SYMPK: variants seen among roughly 807,000 people sequenced by gnomAD.
SYMPK encodes the protein symplekin scaffold protein, also known as symplekin.
SYMPK carries 49 observed loss-of-function variants against 136.4 expected under a neutral mutation model. The observed-to-expected ratio is 0.36, with a 90% CI of 0.29 to 0.46. The LOEUF (loss-of-function observed/expected upper bound fraction) is 0.46. SYMPK is among the 20% of genes least tolerant of loss of function. The probability of loss-of-function intolerance (pLI) is 1.00; values close to 1 mark genes in which losing one functional copy is unlikely to be tolerated. For missense variants in SYMPK, 1,365 were observed against 1,690.0 expected (o/e 0.81, Z 3.37); for synonymous variants, 766 against 713.0 (o/e 1.07, Z -1.19).
At chr19:45,838,414 A>C (rs1971357593) in intron 10 of SYMPK, 47 bp downstream of exon 10, 1 of 1,581,572 alleles carries the variant, frequency 6.3e-7, no homozygotes, top group East Asian at 2.3e-5. Context: ...GACCGAGGAG[A>C]TCCTTCCTTC....
rs909484848 is a variant in SYMPK, at chr19:45,817,289, G to A, written c.3082-315C>T. 3.3e-5 allele frequency among the ~76,000 whole-genome samples: 5 copies of A among 152,100 alleles called. No homozygotes were observed. In the East Asian group the frequency reaches 5.8e-4, roughly 18 times the overall value. On this transcript the variant is annotated intron_variant, in intron 23 of 26. Coordinates refer to ENST00000245934, the MANE Select transcript of SYMPK (RefSeq NM_004819.3). ...ACATTCTCACGGCAGCCTCCAGGGGGCGAAATTACCCCTGCTAAACAGCGG... is the reference window on the plus strand; with the variant it reads ...ACATTCTCACGGCAGCCTCCAGGGGACGAAATTACCCCTGCTAAACAGCGG...
intron 19 of SYMPK, 58 bp downstream of exon 19, chr19:45,823,709 C>T: frequency 2.0e-6 from 3 of 1,494,944 alleles, no homozygotes; most frequent in Non-Finnish European, 1.9e-6. Context: ...TCCCCAGGGC[C>T]CGGGGAAGGC....
Position 45,844,066 on chromosome 19 carries a change from T to C in SYMPK, c.811A>G (p.Met271Val). The change falls in exon 8 of 27, where the codon ATG (methionine) becomes GTG (valine). Residue 271 changes from methionine (M) to valine (V), a missense_variant. By Grantham distance (21) the Met-to-Val change is conservative. This residue lies in a region of SYMPK where 237 missense variants were observed against 292.9 expected (regional missense o/e 0.81). Transcript: ENST00000245934. ...TCATAGGCCTGGATCACCTCAGACA[T>C]GAACATGGGTCTCTGGCGGGCGATA... ...ANIARQRPMFMSEVIQAYETL... is the reference protein window; with the variant it reads ...ANIARQRPMFVSEVIQAYETL... 5.0e-6 allele frequency: 8 copies of C among 1,601,952 alleles called. No homozygotes were observed. Among genetic ancestry groups the C allele is most frequent in the Non-Finnish European group, 6.8e-6 (8 of 1,174,560 alleles).
chr19:45,816,235 C>A (rs1600485811), intron 25 of SYMPK, 52 bp from the exon 26 acceptor site: 3 of 1,336,104 alleles, frequency 2.2e-6, no homozygotes, highest in Non-Finnish European at 3.0e-6. Context: ...GCTCAGAGGA[C>A]GGCCGGAAAG....
At chr19:45,828,464 CTG>C (rs1381611686) in intron 14 of SYMPK, 1 of 176,212 alleles carries the variant, frequency 5.7e-6, no homozygotes, top group African/African-American at 2.4e-5. Context: ...AGTAAGGAGG[CTG>C]TGTTTTATCC....
At chr19:45,851,916 A>G (rs193234676) in intron 5 of SYMPK, among the ~76,000 whole-genome samples, 87 of 152,328 alleles carry the variant, frequency 5.7e-4, no homozygotes, top group Middle Eastern at 6.8e-3. Flanking sequence ...AAAAAAGCTA[A>G]TTTTGTTATA....
intron 19 of SYMPK, 48 bp from the exon 20 acceptor site, chr19:45,823,520 T>G (rs1970959897): frequency 1.3e-6 from 2 of 1,547,132 alleles, no homozygotes; most frequent in Non-Finnish European, 1.8e-6. Flanking sequence ...GAGGGGAGCG[T>G]GGGAAAGGGT....
chr19:45,835,456 G>A (rs1391391594), intron 10 of SYMPK, among the ~76,000 whole-genome samples: 1 of 152,208 alleles, frequency 6.6e-6, no homozygotes, highest in Non-Finnish European at 1.5e-5. Context: ...AGCCAGGCAA[G>A]GCAAGGGCTC....
chr19:45,829,390 T>C (rs1171725878), intron 13 of SYMPK, among the ~76,000 whole-genome samples, 185 bp from the exon 14 acceptor site: 1 of 150,230 alleles, frequency 6.7e-6, no homozygotes, highest in Non-Finnish European at 1.5e-5. Context: ...GGGGTGGGGG[T>C]ACCAGGGTGG....
At chr19:45,845,911 T>C (rs562691299) in intron 7 of SYMPK, among the ~76,000 whole-genome samples, 1 of 152,302 alleles carries the variant, frequency 6.6e-6, no homozygotes, top group South Asian at 2.1e-4. Context: ...GACATTTCAT[T>C]GTAGTTTTGA....
At chr19:45,823,108 G>C (rs1220765732) in intron 20 of SYMPK, among the ~76,000 whole-genome samples, 1 of 152,218 alleles carries the variant, frequency 6.6e-6, no homozygotes. Flanking sequence ...GTCTCAAAGA[G>C]GGGAAGGGAC....
rs111882577 is a variant in SYMPK at position 45,844,011 on chromosome 19, G to C, written c.847+19C>G. On this transcript the variant is annotated intron_variant, in intron 8 of 26. Transcript: ENST00000245934. ...CCAGTGAAGAGAAGGCAGGGGGAGG[G>C]GGGAGGACAATGACCTACCATGCAG... 4.7e-6 allele frequency: 7 copies of C among 1,476,956 alleles called. No individual in the cohort carries two copies. In the African/African-American group the frequency reaches 7.1e-5, roughly 15 times the overall value. 91.5% of individuals were successfully genotyped at this position (1,476,956 alleles called of 1,614,324 possible). A position where few individuals can be genotyped will look rare whatever the true frequency, so the allele number is the denominator to read the frequency against.
intron 11 of SYMPK, among the ~76,000 whole-genome samples, chr19:45,832,328 G>T (rs1971200997): frequency 6.6e-6 from 1 of 151,968 alleles, no homozygotes; most frequent in Non-Finnish European, 1.5e-5. Flanking sequence ...TTTCAGTAGA[G>T]ACGGGGTTTC....
Position 45,821,460 on chromosome 19 carries a change from C to A in SYMPK, c.2817G>T (p.Pro939=). 1 of 1,613,806 alleles carries A rather than the reference C, an allele frequency of 6.2e-7. No individual in the cohort carries two copies. The highest frequency in any genetic ancestry group is 8.5e-7 in the Non-Finnish European group (1 of 1,179,908). Residue 939 remains proline, a synonymous_variant, in exon 22 of 27, where the codon CCG becomes CCT. Transcript: ENST00000245934. This position sits in a 1 kb window ranked among gnomAD's most constrained non-coding sequence, Gnocchi z 4.4. ...QHGEGNSALS[P]LNPGELLIAL... ...CGATCAGGAGCTCTCCAGGGTTCAG[C>A]GGGGACAAGGCTGAGTTTCCCTCAC...
rs200895369 is a variant in SYMPK, at chr19:45,844,046, G to A, written c.831C>T (p.Ala277=). 1 of 1,587,410 alleles carries A rather than the reference G, an allele frequency of 6.3e-7. No homozygotes were observed. Among genetic ancestry groups the A allele is most frequent in the South Asian group, 1.2e-5 (1 of 86,866 alleles). Reference sequence around the variant, plus strand: ...ATGACCTACCATGCAGAGTTTCATAGGCCTGGATCACCTCAGACATGAACA... The same window carrying A: ...ATGACCTACCATGCAGAGTTTCATAAGCCTGGATCACCTCAGACATGAACA... ...RPMFMSEVIQ[A]YETLHANLPP... is the part of the protein sequence containing the mutation. The change falls in exon 8 of 27, where the codon GCC becomes GCT. Residue 277 remains alanine, a synonymous_variant. Coordinates refer to ENST00000245934, the MANE Select transcript of SYMPK (RefSeq NM_004819.3).
rs1010212291 is a variant in SYMPK, at chr19:45,829,157, G to A, written c.1798C>T (p.Leu600=). The change falls in exon 14 of 27, where the codon CTG becomes TTG. Residue 600 remains leucine, a synonymous_variant. Coordinates refer to ENST00000245934, the MANE Select transcript of SYMPK (RefSeq NM_004819.3). ...ATGAAGGACAGGACCTCCGCCTTCAGGCCCGAGTTGAACTGTGTCACCAGG... is the reference window on the plus strand; with the variant it reads ...ATGAAGGACAGGACCTCCGCCTTCAAGCCCGAGTTGAACTGTGTCACCAGG... ...ASLVTQFNSG[L]KAEVLSFILE... 7.4e-6 allele frequency: 12 copies of A among 1,614,092 alleles called. No individual in the cohort carries two copies. The African/African-American group carries it at 1.2e-4, about 16-fold the overall frequency.
chr19:45,822,252 G>A (rs1400139659), intron 21 of SYMPK, among the ~76,000 whole-genome samples: 1 of 151,732 alleles, frequency 6.6e-6, no homozygotes, highest in Non-Finnish European at 1.5e-5. Context: ...CCGAGTAGCT[G>A]GGACTACAGG....
intron 10 of SYMPK, among the ~76,000 whole-genome samples, chr19:45,836,552 A>C (rs1600511700): frequency 6.6e-6 from 1 of 151,388 alleles, no homozygotes; most frequent in Non-Finnish European, 1.5e-5. Flanking sequence ...AATGGCGTGA[A>C]CCCGGGAGGC....
At position 45,816,556 on chromosome 19, in the gene SYMPK, T is replaced by C. The variant is rs1970744559; in HGVS notation, c.3280A>G (p.Ile1094Val). The C allele has an allele frequency of 6.2e-7, 1 of 1,613,484 alleles. No individual in the cohort carries two copies. Among genetic ancestry groups the C allele is most frequent in the Non-Finnish European group, 8.5e-7 (1 of 1,179,942 alleles). The change falls in exon 25 of 27, where the codon ATC becomes GTC. Residue 1094 changes from isoleucine to valine, a missense_variant. Transcript: ENST00000245934. ...PHQQAHIPNS[I>V]MTILEASGKQ... is the part of the protein sequence containing the mutation. ...CCGCTGGCCTCCAAGATGGTCATGA[T>C]GGAGTTAGGGATGTGAGCTTGCTGG...
Sources: gnomAD v4.1 joint callset for allele counts (sites outside exome capture counted in the v4.1 genomes callset) on GRCh38, gnomAD v4.1.1 for gene constraint, gnomAD v4.1.1 regional missense constraint, Gnocchi (gnomAD v3.1) non-coding constraint, MANE v1.5 for transcripts, NCBI Gene and HGNC (gene_info 2026-07-23, HGNC 2026-07-21) for gene names.